Variants in ALKBH3 observed in about 807,000 individuals in gnomAD.
The protein encoded by ALKBH3 is alpha-ketoglutarate-dependent dioxygenase alkB homolog 3.
In ALKBH3, 51 loss-of-function variants were observed where a neutral mutation model predicts 43.9. The ratio of observed to expected loss-of-function variants is 1.16; its 90% CI spans 0.93 to 1.47. The LOEUF (loss-of-function observed/expected upper bound fraction) is 1.47, where lower values mean the gene tolerates loss of function less well. Among genes scored for constraint, ALKBH3 ranks in the 40% most tolerant of loss-of-function variants. ALKBH3 has a pLI of 0.00. For missense variants in ALKBH3, 361 were observed against 351.9 expected, an observed-to-expected ratio of 1.03 and a Z score of -0.21; for synonymous variants, 102 against 115.2, an observed-to-expected ratio of 0.89 and a Z score of 0.73.
intron 8 of ALKBH3, chr11:43,918,683 C>T (rs1485326174): frequency 5.7e-6 from 1 of 175,380 alleles, no homozygotes; most frequent in Non-Finnish European, 1.2e-5. Flanking sequence ...ACTTTTATTT[C>T]CTTCTTAGGC....
chr11:43,898,014 A>G, intron 7 of ALKBH3: 1 of 867,160 alleles, frequency 1.2e-6, no homozygotes, highest in African/African-American at 1.6e-5. Context: ...CATCTTCGTC[A>G]TCCTGCAAGA....
chr11:43,914,476 AG>A (rs531506094), intron 8 of ALKBH3, among the ~76,000 whole-genome samples: 3 of 152,336 alleles, frequency 2.0e-5, no homozygotes, highest in African/African-American at 7.2e-5. Context: ...TGTTATAAAA[AG>A]AAGCATGGAA....
At chr11:43,900,716 G>C (rs1307124752) in intron 7 of ALKBH3, among the ~76,000 whole-genome samples, 1 of 152,138 alleles carries the variant, frequency 6.6e-6, no homozygotes, top group Admixed American at 6.5e-5. Flanking sequence ...TGGGAGAAAA[G>C]CATTCTAGCA....
At chr11:43,899,208 A>G (rs1951842692) in intron 7 of ALKBH3, 1 of 768,636 alleles carries the variant, frequency 1.3e-6, no homozygotes, top group Non-Finnish European at 2.4e-6. Flanking sequence ...CTCATAGACA[A>G]AGTCTGGCAG....
intron 8 of ALKBH3, among the ~76,000 whole-genome samples, chr11:43,905,587 C>T (rs537189222): frequency 6.6e-6 from 1 of 152,108 alleles, no homozygotes; most frequent in African/African-American, 2.4e-5. Flanking sequence ...CTTTTACATT[C>T]ATTCCGATTC....
At chr11:43,900,216 T>TTTA in intron 7 of ALKBH3, among the ~76,000 whole-genome samples, 1 of 10,002 alleles carries the variant, frequency 1.0e-4, no homozygotes, top group East Asian at 9.6e-3. Context: ...TTTAATTTAA[T>TTTA]TTTTTTTTTT....
At chr11:43,912,689 T>A (rs1229016352) in intron 8 of ALKBH3, among the ~76,000 whole-genome samples, 1 of 152,254 alleles carries the variant, frequency 6.6e-6, no homozygotes, top group Admixed American at 6.5e-5. Flanking sequence ...GAATGACTTT[T>A]TCTGATTGAG....
rs1951759019 is a variant in ALKBH3, at chr11:43,888,110, T to C, written c.266+1457T>C. On this transcript the variant is annotated intron_variant, in intron 5 of 9. Transcript: ENST00000302708. Reference sequence around the variant, plus strand: ...CTGCGCCTGGCAGTCTTTCTGTTTTTGAGACAGGGTCTGGCTCTGTCACCT... The same window carrying C: ...CTGCGCCTGGCAGTCTTTCTGTTTTCGAGACAGGGTCTGGCTCTGTCACCT... Among the ~76,000 whole-genome samples the C allele has an allele frequency of 7.5e-5, 2 of 26,706 alleles. 1 individual carries two copies. The highest frequency in any genetic ancestry group is 1.9e-4 in the African/African-American group (2 of 10,334). The allele number at this position is 26,706 out of a possible 152,430, so 17.5% of individuals were successfully genotyped here.
At chr11:43,896,032 G>T (rs1230353746) in intron 7 of ALKBH3, among the ~76,000 whole-genome samples, 1 of 152,172 alleles carries the variant, frequency 6.6e-6, no homozygotes, top group Non-Finnish European at 1.5e-5. Flanking sequence ...TACTTTTGTT[G>T]TGGATTGTTT....
In ALKBH3 at chr11:43,882,121, T is replaced by G. The variant is rs34754082; in HGVS notation, c.-70-462T>G. 7.6e-3 allele frequency among the ~76,000 whole-genome samples: 1,165 copies of G among 152,336 alleles called. 7 individuals are homozygous for G. Among genetic ancestry groups the G allele is most frequent in the Non-Finnish European group, 0.013 (905 of 68,026 alleles). ...TAAAGACAAATACCTGTATCCATCC[T>G]AAATCAGATTTTCTGAAGGTGGGCC... is the stretch of plus-strand genomic sequence containing the variant. On this transcript the variant is annotated intron_variant, in intron 1 of 9. Transcript: ENST00000302708.
intron 7 of ALKBH3, chr11:43,898,542 T>C (rs1951836529): frequency 7.6e-6 from 6 of 787,854 alleles, no homozygotes; most frequent in South Asian, 2.7e-5. Flanking sequence ...TCTCCATAAA[T>C]GAAGAAGAGC....
intron 8 of ALKBH3, among the ~76,000 whole-genome samples, chr11:43,908,365 A>G (rs548138088): frequency 1.3e-5 from 2 of 152,304 alleles, no homozygotes; most frequent in Admixed American, 6.5e-5. Flanking sequence ...ATGTCCAGGA[A>G]CAGTTTGGGA....
Position 43,882,713 on chromosome 11 carries a change from C to G in ALKBH3, c.61C>G (p.Gln21Glu). The stretch of plus-strand genomic sequence containing the variant: ...AGCCTGGGCTGCCCCTGTTAAAAGC[C>G]AGGCCATTGCTCAGCCAGGCAAGAA... Reference protein sequence around the residue: ...QGAWAAPVKSQAIAQPATTAK... With the variant: ...QGAWAAPVKSEAIAQPATTAK... The change falls in exon 2 of 10, where the codon CAG becomes GAG. Residue 21 changes from glutamine (Q) to glutamate (E), a missense_variant. Physicochemically the swap from Gln to Glu is conservative, Grantham distance 29 (BLOSUM62 2). Coordinates refer to ENST00000302708, the MANE Select transcript of ALKBH3 (RefSeq NM_139178.4). The G allele has an allele frequency of 6.2e-7, 1 of 1,612,878 alleles. No homozygotes were observed. Among genetic ancestry groups the G allele is most frequent in the Non-Finnish European group, 8.5e-7 (1 of 1,179,614 alleles).
At chr11:43,899,398 C>G (rs1317923759) in intron 7 of ALKBH3, 2 of 705,288 alleles carry the variant, frequency 2.8e-6, no homozygotes, top group Non-Finnish European at 5.4e-6. Context: ...CCCTGCAGAT[C>G]TCTTCGCACA....
intron 7 of ALKBH3, among the ~76,000 whole-genome samples, chr11:43,895,531 A>G (rs1344318434): frequency 6.6e-6 from 1 of 152,196 alleles, no homozygotes; most frequent in Non-Finnish European, 1.5e-5. Flanking sequence ...AGTCTTGGGT[A>G]TGTCTTTATT....
At chr11:43,918,957 T>A in intron 8 of ALKBH3, 81 bp from the exon 9 acceptor site, 3 of 817,442 alleles carry the variant, frequency 3.7e-6, no homozygotes, top group South Asian at 1.8e-5. Flanking sequence ...GAGGTTTCCA[T>A]TTTTTTTTGA....
At chr11:43,913,106 TAAAA>T (rs1157441702) in intron 8 of ALKBH3, among the ~76,000 whole-genome samples, 3 of 133,916 alleles carry the variant, frequency 2.2e-5, no homozygotes, top group South Asian at 2.4e-4. Flanking sequence ...TTCCAGTTGT[TAAAA>T]AAAAAAAAAA....
intron 7 of ALKBH3, chr11:43,899,118 T>C: frequency 1.3e-6 from 1 of 771,160 alleles, no homozygotes; most frequent in African/African-American, 1.7e-5. Context: ...CTTTAACATC[T>C]ATCACTCCAA....
In ALKBH3 at chr11:43,883,150, C is replaced by T. The variant is rs554790465; in HGVS notation, c.145C>T (p.Leu49Phe). ...GQTWKNKEHHLSDREFVFKEP... is the reference protein window; with the variant it reads ...GQTWKNKEHHFSDREFVFKEP... The stretch of plus-strand genomic sequence containing the variant: ...GACCTGGAAGAACAAAGAGCATCAT[C>T]TCTCTGACAGAGAGTTTGTGTTCAA... Residue 49 changes from leucine (L) to phenylalanine (F), a missense_variant, in exon 3 of 10, where the codon CTC becomes TTC. Transcript: ENST00000302708. The T allele has an allele frequency of 5.6e-6, 9 of 1,614,010 alleles. No homozygotes were observed. The African/African-American group carries it at 1.1e-4, about 19-fold the overall frequency.
Sources: gnomAD v4.1 joint callset for allele counts (sites outside exome capture counted in the v4.1 genomes callset) on GRCh38, gnomAD v4.1.1 for gene constraint, MANE v1.5 for transcripts, NCBI Gene and HGNC (gene_info 2026-07-23, HGNC 2026-07-21) for gene names.